The following ANXA8 variants were observed in gnomAD, a reference collection of about 807,000 sequenced individuals.
ANXA8 encodes the protein VAC-beta.
ANXA8 carries 9 observed loss-of-function variants against 26.8 expected under a neutral mutation model. The observed-to-expected ratio is 0.34, with a 90% CI of 0.20 to 0.59. ANXA8 has a LOEUF of 0.59. Among genes scored for constraint, ANXA8 ranks in the 20% least tolerant of loss-of-function variants. The pLI is 0.84. For missense variants in ANXA8, 83 were observed against 238.5 expected (o/e 0.35, Z 4.29); for synonymous variants, 39 against 94.8 (o/e 0.41, Z 3.42).
At chr10:47,651,665 C>G in the ANXA8 span, among the ~76,000 whole-genome samples, 1 of 150,208 alleles carries the variant, frequency 6.7e-6, no homozygotes, top group Non-Finnish European at 1.5e-5. Flanking sequence ...AAGGCCGAGG[C>G]AGGTGGATCA....
the ANXA8 span, among the ~76,000 whole-genome samples, chr10:47,700,885 C>A: frequency 6.7e-6 from 1 of 149,706 alleles, no homozygotes; most frequent in Non-Finnish European, 1.5e-5. Context: ...AGTTTGAGTC[C>A]AGCCTGGGCA....
At chr10:47,612,615 C>T in the ANXA8 span, among the ~76,000 whole-genome samples, 4 of 72,974 alleles carry the variant, frequency 5.5e-5, 1 homozygote, top group East Asian at 2.6e-4. Flanking sequence ...ATATAGAGAA[C>T]GAGCTTTTTA....
At chr10:47,590,327 A>G in the ANXA8 span, 1 of 146,486 alleles carries the variant, frequency 6.8e-6, no homozygotes, top group African/African-American at 2.8e-5. Context: ...CACCTGGAAG[A>G]GAAGAATCCA....
chr10:47,657,270 T>A, the ANXA8 span, among the ~76,000 whole-genome samples: 3 of 151,854 alleles, frequency 2.0e-5, no homozygotes, highest in South Asian at 4.1e-4. Context: ...TGCTATGTTG[T>A]CCAGGCCAGT....
the ANXA8 span, among the ~76,000 whole-genome samples, chr10:47,668,190 T>C: frequency 6.6e-6 from 1 of 151,218 alleles, no homozygotes; most frequent in African/African-American, 2.5e-5. Context: ...CAGTTTTTTC[T>C]TCTTGATTCT....
chr10:47,476,184 CA>C (rs1191144005), intron 5 of ANXA8, 47 bp downstream of exon 5: 2 of 316,546 alleles, frequency 6.3e-6, no homozygotes, highest in Non-Finnish European at 1.1e-5. Context: ...GCCAGGCTGC[CA>C]AAGCTTGTGG....
the ANXA8 span, among the ~76,000 whole-genome samples, chr10:47,930,118 A>G: frequency 3.3e-5 from 5 of 152,058 alleles, no homozygotes; most frequent in East Asian, 1.9e-4. Context: ...AGGCCTTTCT[A>G]CTTCCTACTC....
At chr10:47,554,538 T>C in the ANXA8 span, among the ~76,000 whole-genome samples, 2 of 150,552 alleles carry the variant, frequency 1.3e-5, no homozygotes, top group African/African-American at 4.9e-5. Context: ...TTGGAGCCCA[T>C]CTAATCCCCA....
At chr10:47,916,604 A>G in the ANXA8 span, among the ~76,000 whole-genome samples, 2 of 133,202 alleles carry the variant, frequency 1.5e-5, no homozygotes, top group Admixed American at 7.4e-5. Context: ...GGATGATCAT[A>G]CCACACCAGT....
At chr10:47,946,544 C>T in the ANXA8 span, among the ~76,000 whole-genome samples, 6 of 150,188 alleles carry the variant, frequency 4.0e-5, no homozygotes, top group Non-Finnish European at 7.4e-5. Context: ...AGCATTGACA[C>T]ATGGGGGACA....
the ANXA8 span, among the ~76,000 whole-genome samples, chr10:47,982,947 AAAG>A: frequency 8.5e-6 from 1 of 117,628 alleles, no homozygotes; most frequent in Non-Finnish European, 1.8e-5. Flanking sequence ...ATATTTGTCC[AAAG>A]AAGATATACT....
chr10:47,622,914 A>G, the ANXA8 span, among the ~76,000 whole-genome samples: 7 of 113,054 alleles, frequency 6.2e-5, 2 homozygotes, highest in African/African-American at 2.4e-4. Context: ...CTCAATTGCC[A>G]ATTGTCTACT....
chr10:47,960,586 C>T, the ANXA8 span, among the ~76,000 whole-genome samples: 57 of 148,840 alleles, frequency 3.8e-4, 3 homozygotes, highest in East Asian at 4.3e-3. Context: ...GTACATTTTA[C>T]GTAAATTTTT....
chr10:47,573,815 G>A, the ANXA8 span, among the ~76,000 whole-genome samples: 1 of 146,658 alleles, frequency 6.8e-6, no homozygotes, highest in African/African-American at 2.6e-5. Context: ...GTGACTAAGG[G>A]AAGGGTGCTA....
the ANXA8 span, among the ~76,000 whole-genome samples, chr10:47,589,678 G>A: frequency 3.4e-5 from 5 of 145,174 alleles, 1 homozygote; most frequent in South Asian, 2.1e-4. Context: ...TCTCATTCTC[G>A]CTGCTCTCTA....
chr10:47,949,629 T>C, the ANXA8 span, among the ~76,000 whole-genome samples: 605 of 150,688 alleles, frequency 4.0e-3, 12 homozygotes, highest in African/African-American at 0.014. Flanking sequence ...ATGGACAGAA[T>C]GGAGGAAACA....
At chr10:47,747,822 A>AGAACTGGAATCTACAAGAAAGAAT in the ANXA8 span, among the ~76,000 whole-genome samples, 1 of 152,056 alleles carries the variant, frequency 6.6e-6, no homozygotes, top group Non-Finnish European at 1.5e-5. Context: ...CTTTCATCAA[A>AGAACTGGAATCTACAAGAAAGAAT]GAACTGGAAT....
the ANXA8 span, among the ~76,000 whole-genome samples, chr10:47,941,446 G>A: frequency 4.4e-4 from 65 of 146,864 alleles, 1 homozygote; most frequent in African/African-American, 1.6e-3. Flanking sequence ...CTTGAGGTCA[G>A]GAGTTTGAGA....
At chr10:47,514,271 G>C in the ANXA8 span, among the ~76,000 whole-genome samples, 2 of 150,252 alleles carry the variant, frequency 1.3e-5, no homozygotes, top group East Asian at 3.9e-4. Context: ...TATATATGAG[G>C]AATACCACCT....
Sources: allele counts gnomAD v4.1 joint callset (sites outside exome capture counted in the v4.1 genomes callset), GRCh38; gene constraint gnomAD v4.1.1; transcripts MANE v1.5; gene names NCBI Gene and HGNC (gene_info 2026-07-23, HGNC 2026-07-21).